Variants in POFUT3 observed in about 807,000 individuals in gnomAD.
POFUT3 encodes GDP-fucose protein O-fucosyltransferase 3.
chr8:33,321,871 C>T, the POFUT3 span, among the ~76,000 whole-genome samples: 2 of 152,066 alleles, frequency 1.3e-5, no homozygotes, highest in African/African-American at 4.8e-5. Flanking sequence ...TTAGGTGCAC[C>T]TTTTGAATGC....
the POFUT3 span, among the ~76,000 whole-genome samples, chr8:33,333,403 T>C: frequency 6.6e-6 from 1 of 152,154 alleles, no homozygotes; most frequent in Non-Finnish European, 1.5e-5. Context: ...TCCCTTCCTT[T>C]ATAGAGAAAT....
At chr8:33,388,327 C>CTCT in the POFUT3 span, among the ~76,000 whole-genome samples, 1 of 132,528 alleles carries the variant, frequency 7.5e-6, no homozygotes, top group East Asian at 2.6e-4. Flanking sequence ...ATAAGCAGAA[C>CTCT]TCTTTTTTTT....
chr8:33,468,626 C>T, the POFUT3 span, among the ~76,000 whole-genome samples: 4 of 152,222 alleles, frequency 2.6e-5, no homozygotes, highest in Non-Finnish European at 5.9e-5. Context: ...TTGGACAACT[C>T]TTCAGGCACT....
chr8:33,357,945 T>G, the POFUT3 span, among the ~76,000 whole-genome samples: 1 of 152,150 alleles, frequency 6.6e-6, no homozygotes, highest in African/African-American at 2.4e-5. Context: ...ATCTACATTA[T>G]GGAATATTCT....
the POFUT3 span, among the ~76,000 whole-genome samples, chr8:33,444,995 G>A: frequency 2.9e-5 from 4 of 135,654 alleles, no homozygotes; most frequent in African/African-American, 1.1e-4. Context: ...GTGCAATAGT[G>A]CAATCTCGAC....
At chr8:33,384,841 C>A in the POFUT3 span, among the ~76,000 whole-genome samples, 8 of 151,912 alleles carry the variant, frequency 5.3e-5, no homozygotes, top group Non-Finnish European at 1.2e-4. Flanking sequence ...AAAAGAATAC[C>A]TTCTTCAGCA....
the POFUT3 span, among the ~76,000 whole-genome samples, chr8:33,386,336 T>C: frequency 6.6e-6 from 1 of 152,058 alleles, no homozygotes; most frequent in Non-Finnish European, 1.5e-5. Context: ...CTCCTAATCA[T>C]CTTCGCTGAC....
chr8:33,467,105 C>CAA, the POFUT3 span, among the ~76,000 whole-genome samples: 1 of 149,556 alleles, frequency 6.7e-6, no homozygotes, highest in Non-Finnish European at 1.5e-5. Context: ...GACTCTGTCT[C>CAA]AAAAAAAACA....
chr8:33,396,331 G>A, the POFUT3 span, among the ~76,000 whole-genome samples: 2 of 152,044 alleles, frequency 1.3e-5, no homozygotes, highest in Non-Finnish European at 2.9e-5. Flanking sequence ...ACCAATTCTT[G>A]TAATACATTC....
At chr8:33,382,370 T>C in the POFUT3 span, among the ~76,000 whole-genome samples, 1 of 133,904 alleles carries the variant, frequency 7.5e-6, no homozygotes, top group Non-Finnish European at 1.6e-5. Flanking sequence ...CCTCCTGAAA[T>C]CCCATAAAAT....
the POFUT3 span, among the ~76,000 whole-genome samples, chr8:33,327,805 C>T: frequency 5.2e-4 from 79 of 152,254 alleles, no homozygotes; most frequent in African/African-American, 1.5e-3. Flanking sequence ...CCAGTGTGTA[C>T]CGTGACTAAT....
At chr8:33,455,408 C>T in the POFUT3 span, among the ~76,000 whole-genome samples, 2 of 152,076 alleles carry the variant, frequency 1.3e-5, no homozygotes, top group Non-Finnish European at 2.9e-5. Flanking sequence ...CCTATAGTCC[C>T]AGCTACTCAG....
At chr8:33,331,448 C>T in the POFUT3 span, among the ~76,000 whole-genome samples, 3 of 152,108 alleles carry the variant, frequency 2.0e-5, no homozygotes, top group Middle Eastern at 3.4e-3. Flanking sequence ...TAGAAGCAGA[C>T]GGCTTAAGTT....
chr8:33,339,488 A>G, the POFUT3 span, among the ~76,000 whole-genome samples: 24 of 152,330 alleles, frequency 1.6e-4, 3 homozygotes, highest in South Asian at 3.5e-3. Context: ...GGAAGGAAAC[A>G]AGAAAGAAAA....
chr8:33,382,011 G>GCC, the POFUT3 span, among the ~76,000 whole-genome samples: 15 of 152,114 alleles, frequency 9.9e-5, 1 homozygote, highest in Non-Finnish European at 1.9e-4. Context: ...AAAGAAAATA[G>GCC]GCTGGGCATA....
the POFUT3 span, among the ~76,000 whole-genome samples, chr8:33,440,027 A>G: frequency 6.6e-6 from 1 of 151,740 alleles, no homozygotes; most frequent in Non-Finnish European, 1.5e-5. Context: ...CTCTGCCTCA[A>G]ATGTTAGGTC....
At chr8:33,372,580 G>C in the POFUT3 span, 1 of 1,612,994 alleles carries the variant, frequency 6.2e-7, no homozygotes, top group South Asian at 1.1e-5. Context: ...TTTGAAATCA[G>C]TCCTTGAATA....
At chr8:33,322,734 G>A in the POFUT3 span, among the ~76,000 whole-genome samples, 5 of 152,210 alleles carry the variant, frequency 3.3e-5, no homozygotes, top group South Asian at 2.1e-4. Context: ...ATTTGATAAC[G>A]GTAATGAAAA....
the POFUT3 span, chr8:33,455,745 C>G: frequency 0.023 from 10,232 of 451,232 alleles, 510 homozygotes; most frequent in African/African-American, 0.14. Context: ...CCTCAGGTCC[C>G]GCTTTTAGCA....
Sources: allele counts gnomAD v4.1 joint callset (sites outside exome capture counted in the v4.1 genomes callset), GRCh38; gene constraint gnomAD v4.1.1; transcripts MANE v1.5; gene names NCBI Gene and HGNC (gene_info 2026-07-23, HGNC 2026-07-21).